VPS13A: variants seen among roughly 807,000 people sequenced by gnomAD.
VPS13A encodes vacuolar protein sorting 13 homolog A.
VPS13A carries 264 observed loss-of-function variants against 390.9 expected under a neutral mutation model. The observed-to-expected ratio is 0.68, with a 90% CI of 0.61 to 0.75. VPS13A has a LOEUF of 0.75. Ranked by LOEUF, VPS13A falls within the 30% of genes least tolerant of loss-of-function variation. VPS13A has a pLI of 0.00. For synonymous variants in VPS13A, 1,231 were observed against 1,227.1 expected (o/e 1.00, Z -0.07); for missense variants, 3,409 against 3,733.9 (o/e 0.91, Z 2.27).
At chr9:77,221,429 T>C in intron 13 of VPS13A, 73 bp downstream of exon 13, 1 of 1,501,972 alleles carries the variant, frequency 6.7e-7, no homozygotes, top group African/African-American at 1.4e-5. Flanking sequence ...TGACTGATAC[T>C]CCCTACCTTT....
intron 1 of VPS13A, among the ~76,000 whole-genome samples, chr9:77,182,669 T>C (rs184373540): frequency 2.2e-3 from 336 of 152,330 alleles, no homozygotes; most frequent in Non-Finnish European, 3.7e-3. Flanking sequence ...GAAGTACCTG[T>C]ACTTCATAGC....
intron 10 of VPS13A, among the ~76,000 whole-genome samples, chr9:77,217,264 C>T (rs190044121): frequency 1.3e-5 from 2 of 152,110 alleles, no homozygotes; most frequent in Non-Finnish European, 2.9e-5. Context: ...TTTCCCAGAC[C>T]TCCTGAATAA....
chr9:77,373,161 AG>A (rs1832876942), intron 67 of VPS13A, among the ~76,000 whole-genome samples: 1 of 151,570 alleles, frequency 6.6e-6, no homozygotes, highest in Non-Finnish European at 1.5e-5. Context: ...GAACCAAAAA[AG>A]AGCCCGCATC....
At chr9:77,233,675 G>A (rs1402859768) in intron 17 of VPS13A, among the ~76,000 whole-genome samples, 1 of 151,744 alleles carries the variant, frequency 6.6e-6, no homozygotes, top group Non-Finnish European at 1.5e-5. Flanking sequence ...TTGTTTAAGA[G>A]TGTTTAATTT....
intron 32 of VPS13A, 140 bp downstream of exon 32, chr9:77,293,648 A>C (rs1040899114): frequency 6.5e-5 from 27 of 418,134 alleles, no homozygotes; most frequent in African/African-American, 5.0e-4. Context: ...TTTATTATAC[A>C]TAATAAATGT....
In VPS13A at chr9:77,205,537, A is replaced by G. The variant is rs149945852; in HGVS notation, c.283+129A>G. The stretch of plus-strand genomic sequence containing the variant: ...TTAAATTTGATATTTGTTAATTCAA[A>G]TTAAATTGGTTTTTACTCTACATTT... On this transcript the variant is annotated intron_variant, in intron 4 of 71. Coordinates refer to ENST00000360280, the MANE Select transcript of VPS13A (RefSeq NM_033305.3). The G allele has an allele frequency of 7.5e-4, 288 of 381,592 alleles. 2 individuals carry two copies. The highest frequency in any genetic ancestry group is 5.4e-3 in the African/African-American group (257 of 47,556). The allele number at this position is 381,592 out of a possible 1,614,324, so 23.6% of individuals were successfully genotyped here.
chr9:77,214,954 C>T (rs148309309), intron 10 of VPS13A, among the ~76,000 whole-genome samples: 30 of 152,214 alleles, frequency 2.0e-4, no homozygotes, highest in Admixed American at 8.5e-4. Flanking sequence ...TTAGTAGAGA[C>T]GGGGTTTCAC....
At chr9:77,377,869 A>T (rs977626914) in intron 67 of VPS13A, among the ~76,000 whole-genome samples, 1 of 152,204 alleles carries the variant, frequency 6.6e-6, no homozygotes, top group Admixed American at 6.5e-5. Context: ...TTGTGTCTTT[A>T]TCATGAAAAC....
At chr9:77,247,648 T>C (rs986292662) in intron 20 of VPS13A, among the ~76,000 whole-genome samples, 1 of 151,750 alleles carries the variant, frequency 6.6e-6, no homozygotes, top group African/African-American at 2.4e-5. Flanking sequence ...GATTGACTGA[T>C]TGATTGATTG....
chr9:77,351,589 G>A, intron 53 of VPS13A, 143 bp downstream of exon 53: 1 of 1,064,568 alleles, frequency 9.4e-7, no homozygotes, highest in Admixed American at 1.9e-5. Flanking sequence ...TGGCCAATAA[G>A]GTGAAACCCT....
At chr9:77,378,953 A>G (rs972055823) in intron 67 of VPS13A, among the ~76,000 whole-genome samples, 1 of 145,596 alleles carries the variant, frequency 6.9e-6, no homozygotes, top group African/African-American at 2.5e-5. Context: ...TTTGTTATTT[A>G]TGCTTCTATG....
chr9:77,228,613 G>A (rs113605405), intron 17 of VPS13A, among the ~76,000 whole-genome samples: 6 of 152,042 alleles, frequency 3.9e-5, no homozygotes, highest in African/African-American at 1.4e-4. Context: ...CATTTAAAGT[G>A]TGTGGTTCAT....
chr9:77,276,125 G>C lies in VPS13A; in HGVS notation c.2728G>C (p.Val910Leu), dbSNP rs768538853. 1.1e-5 allele frequency: 18 copies of C among 1,613,062 alleles called. No individual in the cohort carries two copies. Among genetic ancestry groups the C allele is most frequent in the Non-Finnish European group, 1.3e-5 (15 of 1,179,640 alleles). Reference protein sequence around the residue: ...DCELSVVEILVLGLGAEIEIR... With the variant: ...DCELSVVEILLLGLGAEIEIR... ...TGAACTATCTGTGGTAGAAATTCTT[G>C]TTTTAGGATTGGGTGCAGAAATTGA... The change falls in exon 26 of 72, where the codon GTT becomes CTT. Residue 910 changes from valine (V) to leucine (L), a missense_variant. Val to Leu is a conservative substitution (Grantham distance 32, BLOSUM62 1). This residue lies in a region of VPS13A where 2,717 missense variants were observed against 2,917.4 expected (regional missense o/e 0.93). Transcript: ENST00000360280.
chr9:77,371,321 C>A (rs1832735225), intron 67 of VPS13A, among the ~76,000 whole-genome samples, 172 bp downstream of exon 67: 1 of 152,256 alleles, frequency 6.6e-6, no homozygotes, highest in Non-Finnish European at 1.5e-5. Context: ...TTTATTGGCT[C>A]ACGGTTCTGA....
At chr9:77,185,023 G>A (rs554068955) in intron 1 of VPS13A, among the ~76,000 whole-genome samples, 28 of 152,074 alleles carry the variant, frequency 1.8e-4, no homozygotes, top group Admixed American at 6.6e-5. Context: ...AATCAGGTGC[G>A]AACCCTGATT....
At chr9:77,351,843 T>G (rs1831490853) in intron 53 of VPS13A, among the ~76,000 whole-genome samples, 1 of 152,110 alleles carries the variant, frequency 6.6e-6, no homozygotes, top group African/African-American at 2.4e-5. Flanking sequence ...CACTCCAGCC[T>G]GGCGACAGAG....
chr9:77,283,505 C>T (rs769906842), intron 30 of VPS13A, 34 bp downstream of exon 30: 2 of 1,604,756 alleles, frequency 1.2e-6, no homozygotes, highest in Non-Finnish European at 1.7e-6. Flanking sequence ...AATTAAAAGA[C>T]ATTAAATGAA....
chr9:77,182,536 G>A (rs1185789004), intron 1 of VPS13A, among the ~76,000 whole-genome samples: 1 of 152,066 alleles, frequency 6.6e-6, no homozygotes, highest in Non-Finnish European at 1.5e-5. Flanking sequence ...AATGACACTG[G>A]GGACTTGATG....
intron 58 of VPS13A, 29 bp downstream of exon 58, chr9:77,359,431 T>C: frequency 6.4e-7 from 1 of 1,551,324 alleles, no homozygotes; most frequent in Non-Finnish European, 8.9e-7. Flanking sequence ...TTCTTGTATA[T>C]TTATTTAATG....
Sources: allele counts gnomAD v4.1 joint callset (sites outside exome capture counted in the v4.1 genomes callset), GRCh38; gene constraint gnomAD v4.1.1; regional missense constraint gnomAD v4.1.1; transcripts MANE v1.5; gene names NCBI Gene and HGNC (gene_info 2026-07-23, HGNC 2026-07-21).